The following SEC31A variants were observed in gnomAD, a reference collection of about 807,000 sequenced individuals.
The protein encoded by SEC31A is protein transport protein Sec31A.
SEC31A carries 70 observed loss-of-function variants against 151.0 expected under a neutral mutation model. That is an observed-to-expected ratio of 0.46 (90% CI 0.38 to 0.57). SEC31A has a LOEUF of 0.57. Among genes scored for constraint, SEC31A ranks in the 20% least tolerant of loss-of-function variants. The pLI, the probability that SEC31A is intolerant of heterozygous loss-of-function variation, is 0.00. For synonymous variants in SEC31A, 475 were observed against 505.9 expected (o/e 0.94, Z 0.82); for missense variants, 1,330 against 1,471.2 (o/e 0.90, Z 1.57).
chr4:82,847,703 T>C (rs924541015), intron 20 of SEC31A, among the ~76,000 whole-genome samples: 2 of 152,186 alleles, frequency 1.3e-5, no homozygotes, highest in African/African-American at 4.8e-5. Flanking sequence ...GCCCTACCTA[T>C]GTCACAGACT....
At chr4:82,829,183 C>T (rs1725341353) in intron 22 of SEC31A, 125 bp from the exon 23 acceptor site, 10 of 723,276 alleles carry the variant, frequency 1.4e-5, no homozygotes, top group Non-Finnish European at 2.1e-5. Flanking sequence ...AAAGGTTTTA[C>T]CAGCCGAGTG....
rs1723197185 is a variant in SEC31A, at chr4:82,821,048, T to C, written c.3472A>G (p.Arg1158Gly). The C allele has an allele frequency of 1.2e-6, 2 of 1,613,158 alleles. No individual in the cohort carries two copies. The highest frequency in any genetic ancestry group is 1.7e-6 in the Non-Finnish European group (2 of 1,179,176). The part of the protein sequence containing the change: ...KRLEFLYDKL[R>G]EQTLSPTITS... The stretch of plus-strand genomic sequence containing the variant: ...CCTCCAAAACTTACTGTCTGTTCCC[T>C]AAGTTTATCATACAGAAACTCCAAA... The change falls in exon 26 of 27, where the codon AGG becomes GGG. Residue 1158 changes from arginine (R) to glycine (G), a missense_variant. Arg to Gly is a moderately radical substitution (Grantham distance 125). Transcript: ENST00000395310.
intron 21 of SEC31A, 124 bp downstream of exon 21, chr4:82,844,262 C>T: frequency 9.5e-7 from 1 of 1,047,538 alleles, no homozygotes; most frequent in Non-Finnish European, 1.4e-6. Context: ...AGCAGGGACT[C>T]AGGAATCCTA....
chr4:82,831,206 C>T (rs1286481848), intron 22 of SEC31A: 1 of 156,086 alleles, frequency 6.4e-6, no homozygotes, highest in Non-Finnish European at 1.4e-5. Context: ...CCAATTAACT[C>T]TTAAACATCA....
At chr4:82,893,787 T>C (rs980927174), upstream of SEC31A, 3 of 152,260 alleles carry the variant, frequency 2.0e-5, no homozygotes, top group Non-Finnish European at 4.4e-5. Context: ...ATTAGCTCTA[T>C]AGCATTCAAG....
intron 17 of SEC31A, 24 bp from the exon 18 acceptor site, chr4:82,853,739 T>C: frequency 6.3e-7 from 1 of 1,589,776 alleles, no homozygotes; most frequent in Non-Finnish European, 8.5e-7. Flanking sequence ...GAAAATAAAA[T>C]AAGATTATAC....
In SEC31A at chr4:82,827,474, G is replaced by A. The variant is rs776365013; in HGVS notation, c.3186C>T (p.Pro1062=). The A allele has an allele frequency of 5.0e-6, 8 of 1,614,080 alleles. No homozygotes were observed. In the African/African-American group the frequency reaches 9.3e-5, roughly 19 times the overall value. The change falls in exon 24 of 27, where the codon CCC becomes CCT. Residue 1062 remains proline, a synonymous_variant. Transcript: ENST00000395310. The stretch of plus-strand genomic sequence containing the variant: ...CAAGAGGTTGCTGTACGCCATGGAA[G>A]GGCTGGCCACCTGGAAGATGTGGCT... ...FPQPHLPGGQ[P]FHGVQQPLGQ...
At chr4:82,887,709 T>G (rs1267993445) in intron 1 of SEC31A, among the ~76,000 whole-genome samples, 3 of 152,246 alleles carry the variant, frequency 2.0e-5, no homozygotes, top group African/African-American at 4.8e-5. Context: ...TGCTCATAAA[T>G]GACAGTTATT....
chr4:82,827,243 A>G (rs757678932), intron 24 of SEC31A, 126 bp downstream of exon 24: 102 of 1,078,446 alleles, frequency 9.5e-5, no homozygotes, highest in Non-Finnish European at 1.2e-4. Context: ...AAAAAAAGTT[A>G]CTATTTTTTG....
At chr4:82,827,945 C>T (rs548859635) in intron 23 of SEC31A, among the ~76,000 whole-genome samples, 5 of 151,652 alleles carry the variant, frequency 3.3e-5, no homozygotes, top group South Asian at 2.1e-4. Context: ...GATAGAGTCC[C>T]GCTCTGTCGC....
chr4:82,874,561 ACC>A (rs1379937688), intron 6 of SEC31A, 48 bp downstream of exon 6: 1 of 1,514,178 alleles, frequency 6.6e-7, no homozygotes, highest in Admixed American at 2.4e-5. Context: ...ATATAGGAAT[ACC>A]TACAGCAGAA....
chr4:82,826,927 T>C (rs1724738003), intron 24 of SEC31A, among the ~76,000 whole-genome samples: 1 of 152,252 alleles, frequency 6.6e-6, no homozygotes, highest in Non-Finnish European at 1.5e-5. Flanking sequence ...TGGCTGTTTG[T>C]GTGTGAAAAG....
In SEC31A at chr4:82,842,275, G is replaced by A. The variant is rs150467054; in HGVS notation, c.2833C>T (p.Pro945Ser). ...AAGGATGCTCCAGAGGAAGGGGGAG[G>A]AGGGAAAGAAGTAGCAGGGCTGGAG... ...PTSSPATSFPPPPSSGASFQH... is the reference protein window; with the variant it reads ...PTSSPATSFPSPPSSGASFQH... The change falls in exon 22 of 27, where the codon CCT becomes TCT. Residue 945 changes from proline (P) to serine (S), a missense_variant. Coordinates refer to ENST00000395310, the MANE Select transcript of SEC31A (RefSeq NM_001077207.4). 3.0e-5 allele frequency: 49 copies of A among 1,613,902 alleles called. No homozygotes were observed. The African/African-American group carries it at 6.0e-4, about 20-fold the overall frequency.
At chr4:82,888,629 C>T (rs573465721) in intron 1 of SEC31A, among the ~76,000 whole-genome samples, 4 of 151,564 alleles carry the variant, frequency 2.6e-5, no homozygotes, top group Non-Finnish European at 5.9e-5. Context: ...ACGGAGTTTG[C>T]AGTGAGCCGA....
At chr4:82,891,211 C>T (rs1328561474), upstream of SEC31A, 4 of 1,516,846 alleles carry the variant, frequency 2.6e-6, no homozygotes, top group Admixed American at 7.9e-5. Context: ...AACGTGGCAG[C>T]CGCAGCCGCA....
chr4:82,860,646 A>AT (rs11436377), intron 14 of SEC31A, among the ~76,000 whole-genome samples: 67,262 of 148,408 alleles, frequency 0.45, 17,596 homozygotes, highest in Admixed American at 0.6. Flanking sequence ...CTAATTTTTT[A>AT]TTTTTTTTTT....
At chr4:82,900,323 C>A in intron 1 of SEC31A, 1 of 173,134 alleles carries the variant, frequency 5.8e-6, no homozygotes, top group Non-Finnish European at 1.2e-5. Flanking sequence ...TGTTTTATCC[C>A]TCTTCCATAC....
chr4:82,848,649 A>G (rs982109663), intron 20 of SEC31A, among the ~76,000 whole-genome samples, 155 bp downstream of exon 20: 1 of 152,250 alleles, frequency 6.6e-6, no homozygotes, highest in African/African-American at 2.4e-5. Flanking sequence ...GTAGATCACA[A>G]ATACAACTTC....
chr4:82,841,630 G>A (rs984939261), intron 22 of SEC31A, among the ~76,000 whole-genome samples: 19 of 149,366 alleles, frequency 1.3e-4, no homozygotes, highest in African/African-American at 4.4e-4. Flanking sequence ...AACAGAATGA[G>A]ACTGGGTCTT....
Sources: gnomAD v4.1 joint callset for allele counts (sites outside exome capture counted in the v4.1 genomes callset) on GRCh38, gnomAD v4.1.1 for gene constraint, MANE v1.5 for transcripts, NCBI Gene and HGNC (gene_info 2026-07-23, HGNC 2026-07-21) for gene names.